Variants in PRKG1 observed in about 807,000 individuals in gnomAD.
PRKG1 encodes protein kinase cGMP-dependent 1, also known as cGMP-dependent protein kinase 1.
A neutral mutation model predicts 88.1 loss-of-function variants in PRKG1; 35 were observed. That is an observed-to-expected ratio of 0.40 (90% confidence interval 0.30 to 0.53). The LOEUF (loss-of-function observed/expected upper bound fraction) is 0.53, where lower values mean the gene tolerates loss of function less well. PRKG1 is among the 20% of genes least tolerant of loss of function. The pLI is 0.59. For missense variants in PRKG1, 540 were observed against 839.8 expected, an observed-to-expected ratio of 0.64 and a Z score of 4.41; for synonymous variants, 303 against 292.5, an observed-to-expected ratio of 1.04 and a Z score of -0.37.
At chr10:51,067,605 T>G (rs2132792234) in intron 1 of PRKG1, among the ~76,000 whole-genome samples, 1 of 152,186 alleles carries the variant, frequency 6.6e-6, no homozygotes, top group East Asian at 1.9e-4. Context: ...AACTAGATGA[T>G]TAGAATTTTG....
rs372980890 is a variant in PRKG1 at position 52,168,706 on chromosome 10, T to TA, written c.1076+6756dup. Among the ~76,000 whole-genome samples the TA allele has an allele frequency of 4.5e-3, 633 of 139,852 alleles. 3 individuals are homozygous for TA. Among genetic ancestry groups the TA allele is most frequent in the South Asian group, 0.017 (76 of 4,358 alleles). 91.7% of individuals were successfully genotyped at this position (139,852 alleles called of 152,430 possible). ...GGAATAGAGTGAGGACAATGTGATT[T>TA]AAAAAAAAAAAAAGCATTTGAGAGA... On this transcript the variant is annotated intron_variant, in intron 9 of 17. Coordinates refer to ENST00000373980, the MANE Select transcript of PRKG1 (RefSeq NM_006258.4).
chr10:51,541,200 T>C (rs1842292259), intron 3 of PRKG1, among the ~76,000 whole-genome samples: 1 of 152,110 alleles, frequency 6.6e-6, no homozygotes, highest in South Asian at 2.1e-4. Context: ...ATAAGGAACA[T>C]GCTACCTAGA....
chr10:51,797,093 C>A (rs1041754899), intron 3 of PRKG1, among the ~76,000 whole-genome samples: 4 of 151,276 alleles, frequency 2.6e-5, no homozygotes, highest in Admixed American at 2.0e-4. Flanking sequence ...TAGAGGCAGG[C>A]TTGAAGCTGG....
chr10:51,054,279 A>T (rs1843601922), intron 1 of PRKG1, among the ~76,000 whole-genome samples: 1 of 152,248 alleles, frequency 6.6e-6, no homozygotes, highest in African/African-American at 2.4e-5. Flanking sequence ...GTGCAATTAC[A>T]TAGAAGGCAT....
chr10:52,214,530 T>C (rs528330440), intron 9 of PRKG1, among the ~76,000 whole-genome samples: 10 of 152,322 alleles, frequency 6.6e-5, no homozygotes, highest in African/African-American at 2.4e-4. Flanking sequence ...TATGTATGTA[T>C]AGCACTTTGT....
At chr10:51,861,825 C>T (rs758277312) in intron 4 of PRKG1, among the ~76,000 whole-genome samples, 1 of 152,202 alleles carries the variant, frequency 6.6e-6, no homozygotes, top group African/African-American at 2.4e-5. Context: ...TTTTGCCAGC[C>T]GGAAACCTTC....
rs139336933 is a variant in PRKG1 at position 51,044,575 on chromosome 10, T to A, written c.266+52931T>A. 1.4e-3 allele frequency among the ~76,000 whole-genome samples: 220 copies of A among 152,258 alleles called. 3 individuals are homozygous for A. In the East Asian group the frequency reaches 0.031, roughly 21 times the overall value. The stretch of plus-strand genomic sequence containing the variant: ...GAGCTTAGTAGGTAGAGGAAATTTT[T>A]TTTTTTATTGGAGGAGGGAGTAGAG... On this transcript the variant is annotated intron_variant, in intron 1 of 17. Transcript: ENST00000401604.
intron 3 of PRKG1, among the ~76,000 whole-genome samples, chr10:51,522,223 A>G (rs1303361296): frequency 6.6e-6 from 1 of 152,220 alleles, no homozygotes; most frequent in Non-Finnish European, 1.5e-5. Flanking sequence ...ATTGAAGACC[A>G]TGTAGAATAT....
chr10:52,131,910 T>C (rs923739330), intron 7 of PRKG1, among the ~76,000 whole-genome samples: 6 of 148,460 alleles, frequency 4.0e-5, no homozygotes, highest in African/African-American at 1.2e-4. Context: ...TGCTGGGAGT[T>C]AACGAGACTA....
At chr10:52,144,238 G>A (rs1396444766) in intron 8 of PRKG1, among the ~76,000 whole-genome samples, 2 of 152,140 alleles carry the variant, frequency 1.3e-5, no homozygotes, top group East Asian at 3.9e-4. Context: ...TATGGGACAA[G>A]GAACTGGATA....
At chr10:51,507,791 T>TTTGTAATTTTGTAATTGAA (rs1220664349) in intron 3 of PRKG1, among the ~76,000 whole-genome samples, 2 of 152,254 alleles carry the variant, frequency 1.3e-5, no homozygotes, top group Non-Finnish European at 2.9e-5. Flanking sequence ...TAGAGCTCTT[T>TTTGTAATTTTGTAATTGAA]CAATTACACC....
At chr10:51,270,882 T>C (rs1393110700) in intron 2 of PRKG1, among the ~76,000 whole-genome samples, 3 of 152,200 alleles carry the variant, frequency 2.0e-5, no homozygotes, top group Admixed American at 6.5e-5. Context: ...AAAAATGTGA[T>C]AGTTTATTGA....
chr10:51,559,695 C>T (rs1186329480), intron 3 of PRKG1, among the ~76,000 whole-genome samples: 1 of 151,862 alleles, frequency 6.6e-6, no homozygotes, highest in Non-Finnish European at 1.5e-5. Flanking sequence ...CTTTGTGATC[C>T]TTCTTAAATC....
intron 2 of PRKG1, among the ~76,000 whole-genome samples, chr10:51,402,397 G>A (rs540896350): frequency 6.6e-6 from 1 of 152,090 alleles, no homozygotes; most frequent in African/African-American, 2.4e-5. Context: ...ATGTCTGTGG[G>A]AAACATGAAA....
chr10:51,409,590 C>T (rs548200721), intron 2 of PRKG1, among the ~76,000 whole-genome samples: 5 of 152,116 alleles, frequency 3.3e-5, no homozygotes, highest in African/African-American at 1.2e-4. Flanking sequence ...GGCACGGTGG[C>T]TCATGTCTGT....
At chr10:51,419,002 G>T (rs535953196) in intron 2 of PRKG1, among the ~76,000 whole-genome samples, 1 of 152,092 alleles carries the variant, frequency 6.6e-6, no homozygotes, top group Admixed American at 6.6e-5. Context: ...TATGTCTTAC[G>T]TAGTTATTTC....
intron 9 of PRKG1, among the ~76,000 whole-genome samples, chr10:52,188,374 G>A (rs1839276101): frequency 6.8e-6 from 1 of 147,032 alleles, no homozygotes; most frequent in African/African-American, 2.5e-5. Flanking sequence ...TTTGAGATGG[G>A]GTCTCAGTCT....
intron 3 of PRKG1, among the ~76,000 whole-genome samples, chr10:51,505,350 A>G (rs1368143822): frequency 6.6e-6 from 1 of 152,038 alleles, no homozygotes; most frequent in Non-Finnish European, 1.5e-5. Context: ...AAGCTTTTTG[A>G]TGTGCTGCTG....
intron 2 of PRKG1, among the ~76,000 whole-genome samples, chr10:51,289,237 C>T (rs1217492118): frequency 6.6e-6 from 1 of 152,298 alleles, no homozygotes; most frequent in African/African-American, 2.4e-5. Context: ...CATTAATGGG[C>T]ATCAGTGGTT....
Sources: allele counts gnomAD v4.1 joint callset (sites outside exome capture counted in the v4.1 genomes callset), GRCh38; gene constraint gnomAD v4.1.1; transcripts MANE v1.5; gene names NCBI Gene and HGNC (gene_info 2026-07-23, HGNC 2026-07-21).